PDE3A: variants seen among roughly 807,000 people sequenced by gnomAD.
The protein encoded by PDE3A is cGMP-inhibited 3',5'-cyclic phosphodiesterase 3A.
PDE3A carries 43 observed loss-of-function variants against 98.3 expected under a neutral mutation model. That is an observed-to-expected ratio of 0.44 (90% CI 0.34 to 0.56). The LOEUF is 0.56. Among genes scored for constraint, PDE3A ranks in the 20% least tolerant of loss-of-function variants. PDE3A has a pLI of 0.01. For missense variants in PDE3A, 1,427 were observed against 1,440.7 expected (o/e 0.99, Z 0.15); for synonymous variants, 663 against 567.9 (o/e 1.17, Z -2.38).
In PDE3A at chr12:20,605,650, TA is replaced by T. The variant is rs372251194; in HGVS notation, c.1012-7791del. On this transcript the variant is annotated intron_variant, in intron 2 of 15. Transcript: ENST00000359062. ...GCTCTGTTGGATACAGTATTGCCTA[TA>T]AGGAAACCTGTAGGTTTGGTTTTGG... 2.0e-3 allele frequency among the ~76,000 whole-genome samples: 308 copies of T among 152,286 alleles called. 2 individuals carry two copies. Among genetic ancestry groups the T allele is most frequent in the African/African-American group, 7.1e-3 (296 of 41,564 alleles).
chr12:20,669,431 G>A (rs900012200), intron 15 of PDE3A, among the ~76,000 whole-genome samples: 1 of 151,378 alleles, frequency 6.6e-6, no homozygotes, highest in African/African-American at 2.4e-5. Flanking sequence ...AGGAAAAAAT[G>A]TTAAGGGCAG....
intron 1 of PDE3A, among the ~76,000 whole-genome samples, chr12:20,439,689 C>T (rs1041561284): frequency 2.6e-5 from 4 of 152,134 alleles, no homozygotes; most frequent in African/African-American, 9.7e-5. Context: ...CCTTGCAATG[C>T]GTAATTCAAA....
chr12:20,389,483 A>G (rs987220722), intron 1 of PDE3A, among the ~76,000 whole-genome samples: 2 of 151,944 alleles, frequency 1.3e-5, no homozygotes, highest in Admixed American at 1.3e-4. Flanking sequence ...TGGGAAAGTC[A>G]CCTTTAGCAT....
intron 1 of PDE3A, among the ~76,000 whole-genome samples, chr12:20,434,782 T>C (rs1184236300): frequency 6.6e-6 from 1 of 152,168 alleles, no homozygotes; most frequent in African/African-American, 2.4e-5. Flanking sequence ...TTCCCTTATT[T>C]GAGTCAATAT....
chr12:20,591,582 C>T (rs1943339445), intron 2 of PDE3A, among the ~76,000 whole-genome samples: 1 of 152,222 alleles, frequency 6.6e-6, no homozygotes, highest in African/African-American at 2.4e-5. Flanking sequence ...AAAATATGTG[C>T]ATTGTTAGGG....
intron 1 of PDE3A, among the ~76,000 whole-genome samples, chr12:20,475,466 T>C (rs924306609): frequency 6.6e-6 from 1 of 152,128 alleles, no homozygotes; most frequent in Non-Finnish European, 1.5e-5. Flanking sequence ...TGGTGACTCA[T>C]GCCTGTCATC....
chr12:20,519,475 A>G (rs1946383124), intron 1 of PDE3A, among the ~76,000 whole-genome samples: 2 of 152,240 alleles, frequency 1.3e-5, no homozygotes, highest in Admixed American at 1.3e-4. Context: ...TAGTGAATAA[A>G]AAATATTTTA....
At chr12:20,475,834 C>T (rs1268895063) in intron 1 of PDE3A, among the ~76,000 whole-genome samples, 4 of 151,938 alleles carry the variant, frequency 2.6e-5, no homozygotes, top group Admixed American at 1.3e-4. Context: ...AGAAACAGGC[C>T]GTACCCCTAA....
At chr12:20,574,170 A>G (rs550543529) in intron 2 of PDE3A, among the ~76,000 whole-genome samples, 1 of 152,254 alleles carries the variant, frequency 6.6e-6, no homozygotes, top group East Asian at 1.9e-4. Context: ...TAAAAGTGAT[A>G]TAACCTCTCA....
intron 1 of PDE3A, among the ~76,000 whole-genome samples, chr12:20,467,081 GA>G (rs1565558376): frequency 6.6e-6 from 1 of 151,984 alleles, no homozygotes; most frequent in Non-Finnish European, 1.5e-5. Context: ...CCTGATTGTT[GA>G]ATTACTTATA....
chr12:20,556,584 A>G (rs1423810051), intron 1 of PDE3A, 76 bp from the exon 2 acceptor site: 3 of 930,530 alleles, frequency 3.2e-6, no homozygotes, highest in African/African-American at 3.3e-5. Context: ...CAACCTGATT[A>G]TTCTTTAAAA....
At chr12:20,585,013 TA>T (rs1943158836) in intron 2 of PDE3A, among the ~76,000 whole-genome samples, 1 of 152,234 alleles carries the variant, frequency 6.6e-6, no homozygotes, top group Non-Finnish European at 1.5e-5. Flanking sequence ...TGCTCATTGA[TA>T]AAAGCTTAAA....
chr12:20,644,386 G>C (rs1176237459), intron 10 of PDE3A, among the ~76,000 whole-genome samples: 1 of 152,060 alleles, frequency 6.6e-6, no homozygotes, highest in Admixed American at 6.5e-5. Context: ...ATTTCCTAAT[G>C]TAATTGTCAC....
At chr12:20,515,280 C>CTG (rs1237153323) in intron 1 of PDE3A, among the ~76,000 whole-genome samples, 5 of 152,310 alleles carry the variant, frequency 3.3e-5, no homozygotes, top group African/African-American at 1.2e-4. Context: ...ATAGTAGATA[C>CTG]TGAAGAAATG....
intron 15 of PDE3A, among the ~76,000 whole-genome samples, chr12:20,663,766 C>CTTGGA (rs1945238902): frequency 2.0e-5 from 3 of 152,070 alleles, no homozygotes; most frequent in African/African-American, 7.2e-5. Flanking sequence ...TCAGATGAGA[C>CTTGGA]CTTGGACTTG....
At chr12:20,499,812 T>C (rs1292108282) in intron 1 of PDE3A, among the ~76,000 whole-genome samples, 1 of 152,216 alleles carries the variant, frequency 6.6e-6, no homozygotes, top group Non-Finnish European at 1.5e-5. Flanking sequence ...TCCTTTATTA[T>C]AATTAACAGC....
At position 20,682,231 on chromosome 12, in the gene PDE3A, T is replaced by A. The variant is rs1226151000; in HGVS notation, c.*1960T>A. 3 of 152,228 alleles carry A rather than the reference T, an allele frequency of 2.0e-5. No homozygotes were observed. Among genetic ancestry groups the A allele is most frequent in the Non-Finnish European group, 4.4e-5 (3 of 68,040 alleles). The allele number at this position is 152,228 out of a possible 1,614,324, so 9.4% of individuals were successfully genotyped here. On this transcript the variant is annotated 3_prime_UTR_variant, in exon 16 of 16. Coordinates refer to ENST00000359062, the MANE Select transcript of PDE3A (RefSeq NM_000921.5). ...TCCATTTCTTTCCAACACTGTTTGT[T>A]ATGATTCTTCCTTGAGTACTTATAT...
intron 1 of PDE3A, among the ~76,000 whole-genome samples, chr12:20,480,607 C>T (rs1945605300): frequency 6.6e-6 from 1 of 152,108 alleles, no homozygotes; most frequent in Non-Finnish European, 1.5e-5. Flanking sequence ...AATAATTTTC[C>T]TTAACTTATT....
intron 15 of PDE3A, among the ~76,000 whole-genome samples, chr12:20,665,692 T>G (rs975373870): frequency 4.0e-4 from 61 of 152,240 alleles, no homozygotes; most frequent in African/African-American, 1.4e-3. Context: ...AGCAATATAT[T>G]AGTTCTAATT....
Sources: gnomAD v4.1 joint callset for allele counts (sites outside exome capture counted in the v4.1 genomes callset) on GRCh38, gnomAD v4.1.1 for gene constraint, MANE v1.5 for transcripts, NCBI Gene and HGNC (gene_info 2026-07-23, HGNC 2026-07-21) for gene names.